Variants in NREP observed in about 807,000 individuals in gnomAD.
NREP encodes the protein neuronal regeneration related protein.
NREP carries 5 observed loss-of-function variants against 8.6 expected under a neutral mutation model. That is an observed-to-expected ratio of 0.58 (90% confidence interval 0.30 to 1.22). NREP has a LOEUF of 1.22. Ranked by LOEUF, NREP falls within the 50% of genes most tolerant of loss-of-function variation. NREP has a pLI of 0.07. For missense variants in NREP, 86 were observed against 82.5 expected (o/e 1.04, Z -0.17); for synonymous variants, 27 against 28.0 (o/e 0.96, Z 0.11).
chr5:111,832,064 G>T (rs1752782171), intron 2 of NREP, among the ~76,000 whole-genome samples: 1 of 152,076 alleles, frequency 6.6e-6, no homozygotes, highest in African/African-American at 2.4e-5. Flanking sequence ...AGAGTGAGTA[G>T]GAAATGATTT....
intron 2 of NREP, among the ~76,000 whole-genome samples, chr5:111,747,322 G>C (rs78296435): frequency 5.3e-5 from 8 of 152,220 alleles, no homozygotes; most frequent in African/African-American, 1.9e-4. Context: ...TTTATCCAAT[G>C]AAAGCGTCCT....
chr5:111,834,696 G>A (rs778308957), intron 2 of NREP, among the ~76,000 whole-genome samples: 1 of 152,126 alleles, frequency 6.6e-6, no homozygotes, highest in Non-Finnish European at 1.5e-5. Flanking sequence ...TACTGGCTGT[G>A]GAACCTTGGA....
intron 2 of NREP, among the ~76,000 whole-genome samples, chr5:111,784,190 A>G (rs1751557552): frequency 6.6e-6 from 1 of 152,172 alleles, no homozygotes; most frequent in Non-Finnish European, 1.5e-5. Context: ...TAGCTAAGCA[A>G]TGGACTTACA....
intron 2 of NREP, among the ~76,000 whole-genome samples, chr5:111,805,379 A>G (rs1216402869): frequency 2.0e-5 from 3 of 152,224 alleles, no homozygotes; most frequent in African/African-American, 4.8e-5. Context: ...TATTCATTGC[A>G]TATTTGTGGT....
chr5:111,755,739 C>G, intron 2 of NREP, 31 bp downstream of exon 2: 1 of 1,611,548 alleles, frequency 6.2e-7, no homozygotes, highest in South Asian at 1.1e-5. Context: ...GTAAGAAGTA[C>G]TGAGAATCTC....
At chr5:111,810,465 G>A (rs575069290) in intron 2 of NREP, among the ~76,000 whole-genome samples, 3 of 152,120 alleles carry the variant, frequency 2.0e-5, no homozygotes, top group South Asian at 2.1e-4. Flanking sequence ...GATTGGAACC[G>A]CCCTTATTTC....
intron 2 of NREP, among the ~76,000 whole-genome samples, chr5:111,869,033 G>C (rs1414258367): frequency 6.6e-6 from 1 of 152,146 alleles, no homozygotes; most frequent in African/African-American, 2.4e-5. Flanking sequence ...TCTTATCATA[G>C]AACACGCATG....
intron 2 of NREP, among the ~76,000 whole-genome samples, chr5:111,867,890 C>G (rs1347236484): frequency 6.6e-6 from 1 of 151,914 alleles, no homozygotes; most frequent in Non-Finnish European, 1.5e-5. Flanking sequence ...TTCATGACAT[C>G]TAGTATATTC....
intron 2 of NREP, among the ~76,000 whole-genome samples, chr5:111,835,825 T>C (rs1308907947): frequency 6.6e-6 from 1 of 152,054 alleles, no homozygotes; most frequent in Non-Finnish European, 1.5e-5. Context: ...ATAAAGTTCA[T>C]AGGGAAATTA....
intron 2 of NREP, among the ~76,000 whole-genome samples, chr5:111,901,069 T>C (rs1302818242): frequency 2.0e-5 from 3 of 151,960 alleles, no homozygotes; most frequent in Non-Finnish European, 4.4e-5. Flanking sequence ...CATGATCAAG[T>C]GGAATTTAGC....
intron 2 of NREP, among the ~76,000 whole-genome samples, chr5:111,928,535 A>G (rs1189085031): frequency 6.6e-6 from 1 of 152,168 alleles, no homozygotes; most frequent in Non-Finnish European, 1.5e-5. Context: ...TAGAGAAGGC[A>G]TGGAACTCAG....
Position 111,899,281 on chromosome 5 carries a change from A to T in NREP, c.135+75993T>A, listed in dbSNP as rs554813927. Among the ~76,000 whole-genome samples the T allele has an allele frequency of 9.8e-5, 15 of 152,346 alleles. 1 individual carries two copies. In the South Asian group the frequency reaches 2.5e-3, roughly 25 times the overall value. ...AACAAAACAAAGGATATACAGAACAATCAAGGAGGACTGCTTGTGGCCAGG... is the reference window on the plus strand; with the variant it reads ...AACAAAACAAAGGATATACAGAACATTCAAGGAGGACTGCTTGTGGCCAGG... On this transcript the variant is annotated intron_variant, in intron 2 of 3. Coordinates refer to the NREP transcript ENST00000395634.
intron 2 of NREP, among the ~76,000 whole-genome samples, chr5:111,907,699 T>G (rs1242176188): frequency 6.6e-6 from 1 of 152,094 alleles, no homozygotes; most frequent in African/African-American, 2.4e-5. Flanking sequence ...TATTGTAAAA[T>G]TCTGCTGTTC....
At chr5:111,940,532 C>A (rs903822226) in intron 2 of NREP, among the ~76,000 whole-genome samples, 1 of 152,016 alleles carries the variant, frequency 6.6e-6, no homozygotes, top group African/African-American at 2.4e-5. Flanking sequence ...CTGGCAAAAA[C>A]GTTGGAGAGA....
chr5:111,824,987 G>C (rs1752589678), intron 2 of NREP, among the ~76,000 whole-genome samples: 1 of 152,178 alleles, frequency 6.6e-6, no homozygotes, highest in South Asian at 2.1e-4. Flanking sequence ...TTAATTCATA[G>C]TCACAGAAGA....
At chr5:111,821,194 G>A (rs192681355) in intron 2 of NREP, among the ~76,000 whole-genome samples, 4 of 152,298 alleles carry the variant, frequency 2.6e-5, no homozygotes, top group Admixed American at 1.3e-4. Flanking sequence ...TCTAAGAGCT[G>A]TGCAGTGTAG....
At chr5:111,848,433 G>A (rs1379021969) in intron 2 of NREP, among the ~76,000 whole-genome samples, 1 of 151,922 alleles carries the variant, frequency 6.6e-6, no homozygotes, top group African/African-American at 2.4e-5. Context: ...TACATGGAGA[G>A]TTTTTTTCTC....
At chr5:111,975,502 A>C in intron 1 of NREP, 1 of 669,758 alleles carries the variant, frequency 1.5e-6, no homozygotes, top group East Asian at 2.7e-5. Flanking sequence ...TGAGAAGGAC[A>C]CTGACTGGCC....
At chr5:111,949,627 T>A (rs1164048016) in intron 2 of NREP, among the ~76,000 whole-genome samples, 1 of 152,056 alleles carries the variant, frequency 6.6e-6, no homozygotes, top group Non-Finnish European at 1.5e-5. Context: ...CCCCTCCCTG[T>A]GTCCATGTGT....
Sources: gnomAD v4.1 joint callset for allele counts (sites outside exome capture counted in the v4.1 genomes callset) on GRCh38, gnomAD v4.1.1 for gene constraint, MANE v1.5 for transcripts, NCBI Gene and HGNC (gene_info 2026-07-23, HGNC 2026-07-21) for gene names.